ATP8B4: variants seen among roughly 807,000 people sequenced by gnomAD.
The protein encoded by ATP8B4 is ATPase phospholipid transporting 8B4 (putative).
ATP8B4 carries 133 observed loss-of-function variants against 145.6 expected under a neutral mutation model. That is an observed-to-expected ratio of 0.91 (90% CI 0.79 to 1.05). ATP8B4 has a LOEUF of 1.05. Among genes scored for constraint, ATP8B4 ranks in the 50% least tolerant of loss-of-function variants. The pLI is 0.00. For missense variants in ATP8B4, 1,458 were observed against 1,425.2 expected (o/e 1.02, Z -0.37); for synonymous variants, 507 against 492.9 (o/e 1.03, Z -0.38).
At chr15:49,925,493 A>T (rs375138843) in intron 16 of ATP8B4, among the ~76,000 whole-genome samples, 1 of 152,054 alleles carries the variant, frequency 6.6e-6, no homozygotes, top group Non-Finnish European at 1.5e-5. Context: ...CCTCTGAAAA[A>T]CTCACAAAGT....
intron 1 of ATP8B4, among the ~76,000 whole-genome samples, chr15:50,132,102 C>T (rs1229271284): frequency 2.0e-5 from 3 of 151,988 alleles, no homozygotes; most frequent in East Asian, 1.9e-4. Flanking sequence ...GGTTTGGCAC[C>T]CCCGAAACCA....
chr15:50,181,769 C>T (rs2044850334), intron 1 of ATP8B4, among the ~76,000 whole-genome samples: 1 of 152,146 alleles, frequency 6.6e-6, no homozygotes, highest in Non-Finnish European at 1.5e-5. Flanking sequence ...GGCGGAAAGC[C>T]CTTGGGACCA....
intron 2 of ATP8B4, among the ~76,000 whole-genome samples, chr15:50,101,839 G>T (rs1310521296): frequency 6.6e-6 from 1 of 152,092 alleles, no homozygotes; most frequent in African/African-American, 2.4e-5. Context: ...CCATATGAAA[G>T]TCCACAAAAC....
At chr15:50,136,071 TC>T (rs918610640) in intron 1 of ATP8B4, among the ~76,000 whole-genome samples, 13 of 152,142 alleles carry the variant, frequency 8.5e-5, no homozygotes, top group Non-Finnish European at 1.3e-4. Context: ...TCCATTTGGA[TC>T]CCCTGATTGA....
At chr15:49,972,897 G>A (rs1599540887) in intron 12 of ATP8B4, 107 bp from the exon 13 acceptor site, 5 of 1,041,910 alleles carry the variant, frequency 4.8e-6, no homozygotes, top group Non-Finnish European at 6.9e-6. Flanking sequence ...GGGGTTAGAG[G>A]AAAATGTGGA....
intron 9 of ATP8B4, among the ~76,000 whole-genome samples, chr15:49,989,195 T>TGGC (rs1357635650): frequency 1.3e-5 from 2 of 152,216 alleles, no homozygotes; most frequent in Non-Finnish European, 2.9e-5. Context: ...TGATTTAAAC[T>TGGC]GGCTCAAGTT....
chr15:50,007,374 G>A (rs2048384149), intron 7 of ATP8B4, among the ~76,000 whole-genome samples: 1 of 152,182 alleles, frequency 6.6e-6, no homozygotes, highest in South Asian at 2.1e-4. Context: ...ATGGAGTAAG[G>A]AACAGCAAAT....
At chr15:50,148,593 T>C (rs563593342) in intron 1 of ATP8B4, among the ~76,000 whole-genome samples, 1 of 152,318 alleles carries the variant, frequency 6.6e-6, no homozygotes, top group African/African-American at 2.4e-5. Context: ...GGCTACAGCC[T>C]TCACCAGATA....
At chr15:49,882,578 C>T (rs1025606102) in intron 23 of ATP8B4, among the ~76,000 whole-genome samples, 2 of 152,014 alleles carry the variant, frequency 1.3e-5, no homozygotes, top group African/African-American at 4.8e-5. Context: ...TAACTATATC[C>T]CAAAACAAAT....
At chr15:50,172,635 G>A (rs567687668) in intron 1 of ATP8B4, among the ~76,000 whole-genome samples, 5 of 150,408 alleles carry the variant, frequency 3.3e-5, no homozygotes, top group African/African-American at 4.9e-5. Flanking sequence ...CCCTCTGCCC[G>A]GCCACCCAGT....
intron 1 of ATP8B4, among the ~76,000 whole-genome samples, chr15:50,159,396 CGA>C (rs1404593926): frequency 3.3e-5 from 5 of 152,032 alleles, no homozygotes; most frequent in African/African-American, 1.2e-4. Context: ...GTTTTTTAGC[CGA>C]GTCTTTAGGT....
rs764897696 is a variant in ATP8B4 at position 49,987,548 on chromosome 15, C to T, written c.591G>A (p.Gly197=). Residue 197 remains glycine (G), a splice_region_variant and synonymous_variant, in exon 10 of 28, where the codon GGG becomes GGA. Transcript: ENST00000284509. ...ADISRLAGFD[G]IVVCEVPNNK... ...TGTTAGGCACCTCACAGACAACAAT[C>T]CCTGGAAAATAAAAAAACAAAACAA... 22 of 1,610,676 alleles carry T rather than the reference C, an allele frequency of 1.4e-5. No individual in the cohort carries two copies. Among genetic ancestry groups the T allele is most frequent in the Non-Finnish European group, 1.8e-5 (21 of 1,178,832 alleles).
Position 50,162,511 on chromosome 15 carries a change from GT to G in ATP8B4, c.-43+19749del, listed in dbSNP as rs1298635230. 4.1e-5 allele frequency among the ~76,000 whole-genome samples: 6 copies of G among 146,016 alleles called. No individual in the cohort carries two copies. The East Asian group carries it at 5.8e-4, about 14-fold the overall frequency. On this transcript the variant is annotated intron_variant, in intron 1 of 3. Transcript: ENST00000558829. ...TTATAGGCAAGTTTTATTCTTTTTTGTTTTTTTCTTTTTTAGATGGAGTCTC... is the reference window on the plus strand; with the variant it reads ...TTATAGGCAAGTTTTATTCTTTTTTGTTTTTTCTTTTTTAGATGGAGTCTC...
At chr15:50,054,783 CAAAAAAAAAAAAAAA>C (rs55783703) in intron 3 of ATP8B4, among the ~76,000 whole-genome samples, 3 of 81,872 alleles carry the variant, frequency 3.7e-5, no homozygotes, top group South Asian at 1.1e-3. Flanking sequence ...GACTCCGCCT[CAAAAAAAAAAAAAAA>C]AAAAAAAAAA....
At position 50,094,693 on chromosome 15, in the gene ATP8B4, T is replaced by C. The variant is rs1361999706; in HGVS notation, c.28+12246A>G. Among the ~76,000 whole-genome samples the C allele has an allele frequency of 2.3e-5, 3 of 129,590 alleles. No homozygotes were observed. In the South Asian group the frequency reaches 7.5e-4, roughly 32 times the overall value. 85.0% of individuals were successfully genotyped at this position (129,590 alleles called of 152,430 possible). A position where few individuals can be genotyped will look rare whatever the true frequency, so the allele number is the denominator to read the frequency against. Reference sequence around the variant, plus strand: ...ATCCATATATATTTGTATATATGTGTGTGTGTATATATATACTACTATATA... The same window carrying C: ...ATCCATATATATTTGTATATATGTGCGTGTGTATATATATACTACTATATA... On this transcript the variant is annotated intron_variant, in intron 2 of 27. Transcript: ENST00000284509.
chr15:50,084,607 C>T (rs970414729), intron 2 of ATP8B4, among the ~76,000 whole-genome samples: 10 of 152,156 alleles, frequency 6.6e-5, no homozygotes, highest in Non-Finnish European at 8.8e-5. Flanking sequence ...AATTTAGTGG[C>T]ATAAGACAAC....
rs201216109 is a variant in ATP8B4, at chr15:49,987,414, C to T, written c.725G>A (p.Cys242Tyr). The T allele has an allele frequency of 6.2e-7, 1 of 1,613,740 alleles. No homozygotes were observed. The highest frequency in any genetic ancestry group is 8.5e-7 in the Non-Finnish European group (1 of 1,179,738). The change falls in exon 10 of 28, where the codon TGT (cysteine) becomes TAT (tyrosine). Residue 242 changes from cysteine (C) to tyrosine (Y), a missense_variant. Transcript: ENST00000284509. ...ACCTGCAAAAATAACCATTCCAAAACACCAGCTGGTATTTCTCAGGATGCA... is the reference window on the plus strand; with the variant it reads ...ACCTGCAAAAATAACCATTCCAAAATACCAGCTGGTATTTCTCAGGATGCA... Reference protein sequence around the residue: ...RGCILRNTSWCFGMVIFAGPD... With the variant: ...RGCILRNTSWYFGMVIFAGPD...
chr15:49,997,017 G>A (rs1366063153), intron 8 of ATP8B4, among the ~76,000 whole-genome samples: 3 of 152,092 alleles, frequency 2.0e-5, no homozygotes, highest in South Asian at 2.1e-4. Context: ...AAGAACAGAG[G>A]ACATAACAAA....
chr15:49,859,438 A>T lies in ATP8B4; in HGVS notation c.*756T>A, dbSNP rs1259892957. On this transcript the variant is annotated 3_prime_UTR_variant, in exon 28 of 28. Coordinates refer to ENST00000284509, the MANE Select transcript of ATP8B4 (RefSeq NM_024837.4). ...ACTGAGGTTGTTAGAAAAGCCATTG[A>T]AAAGTATTTAGAATACTTAGTGGCG... 1.0e-3 allele frequency: 152 copies of T among 152,356 alleles called. No homozygotes were observed. Among genetic ancestry groups the T allele is most frequent in the Middle Eastern group, 3.4e-3 (1 of 294 alleles). 9.4% of individuals were successfully genotyped at this position (152,356 alleles called of 1,614,324 possible). A position where few individuals can be genotyped will look rare whatever the true frequency, so the allele number is the denominator to read the frequency against.
Sources: allele counts gnomAD v4.1 joint callset (sites outside exome capture counted in the v4.1 genomes callset), GRCh38; gene constraint gnomAD v4.1.1; transcripts MANE v1.5; gene names NCBI Gene and HGNC (gene_info 2026-07-23, HGNC 2026-07-21).